The following SLC9A9 variants were observed in gnomAD, a reference collection of about 807,000 sequenced individuals.
SLC9A9 encodes the protein solute carrier family 9 member A9.
In SLC9A9, 62 loss-of-function variants were observed where a neutral mutation model predicts 77.8. That is an observed-to-expected ratio of 0.80 (90% CI 0.65 to 0.98). SLC9A9 has a LOEUF of 0.98. Ranked by LOEUF, SLC9A9 falls within the 50% of genes least tolerant of loss-of-function variation. SLC9A9 has a pLI of 0.00. For missense variants in SLC9A9, 775 were observed against 774.9 expected (o/e 1.00, Z 0.00); for synonymous variants, 320 against 283.5 (o/e 1.13, Z -1.29).
At chr3:143,714,739 C>G (rs1190778083) in intron 4 of SLC9A9, among the ~76,000 whole-genome samples, 1 of 152,178 alleles carries the variant, frequency 6.6e-6, no homozygotes, top group Non-Finnish European at 1.5e-5. Flanking sequence ...AGTGGATGAA[C>G]TTGCTCTCTG....
At chr3:143,749,032 C>CT (rs923204574) in intron 4 of SLC9A9, among the ~76,000 whole-genome samples, 25 of 151,374 alleles carry the variant, frequency 1.7e-4, no homozygotes, top group African/African-American at 5.8e-4. Flanking sequence ...AACTTCAAGT[C>CT]TTTTTTTTTC....
intron 12 of SLC9A9, among the ~76,000 whole-genome samples, chr3:143,396,340 G>A (rs1005812216): frequency 3.2e-5 from 4 of 126,884 alleles, no homozygotes; most frequent in African/African-American, 5.6e-5. Context: ...GCAAACTATC[G>A]CAAGGATAAA....
At chr3:143,296,928 C>A (rs78342781) in intron 14 of SLC9A9, among the ~76,000 whole-genome samples, 364 of 152,192 alleles carry the variant, frequency 2.4e-3, no homozygotes, top group African/African-American at 8.4e-3. Context: ...TATATTTGCC[C>A]TTTATCAGAT....
intron 11 of SLC9A9, among the ~76,000 whole-genome samples, chr3:143,479,234 C>G (rs1313737663): frequency 6.6e-6 from 1 of 152,054 alleles, no homozygotes; most frequent in Non-Finnish European, 1.5e-5. Context: ...TATTTTGAGT[C>G]GCAACATTTT....
At chr3:143,487,380 G>T (rs1370950650) in intron 11 of SLC9A9, among the ~76,000 whole-genome samples, 1 of 151,756 alleles carries the variant, frequency 6.6e-6, no homozygotes, top group South Asian at 2.1e-4. Flanking sequence ...CAGATAGAAT[G>T]TAAGTAAGGG....
chr3:143,822,763 T>C (rs2009199497), intron 2 of SLC9A9, among the ~76,000 whole-genome samples: 1 of 152,236 alleles, frequency 6.6e-6, no homozygotes, highest in Admixed American at 6.5e-5. Flanking sequence ...AGATCCATTG[T>C]AAATATTATT....
At chr3:143,540,746 T>TAG (rs1289668247) in intron 9 of SLC9A9, among the ~76,000 whole-genome samples, 1 of 152,194 alleles carries the variant, frequency 6.6e-6, no homozygotes, top group Non-Finnish European at 1.5e-5. Context: ...GGCCTTAACT[T>TAG]CTCTAAGACT....
At chr3:143,670,062 T>A (rs1291228426) in intron 5 of SLC9A9, among the ~76,000 whole-genome samples, 1 of 152,172 alleles carries the variant, frequency 6.6e-6, no homozygotes, top group Non-Finnish European at 1.5e-5. Flanking sequence ...TAAAAACTCT[T>A]CTCTATCTCT....
intron 11 of SLC9A9, among the ~76,000 whole-genome samples, chr3:143,484,154 G>A (rs1405761043): frequency 1.3e-5 from 2 of 151,934 alleles, no homozygotes; most frequent in Non-Finnish European, 2.9e-5. Context: ...TGTGTCAGAG[G>A]GCTACTAAAG....
intron 8 of SLC9A9, among the ~76,000 whole-genome samples, chr3:143,571,861 C>T (rs2037262904): frequency 6.6e-6 from 1 of 152,154 alleles, no homozygotes; most frequent in African/African-American, 2.4e-5. Context: ...TGGAAATAGG[C>T]AAGGATTAAA....
At chr3:143,664,234 T>C (rs562561322) in intron 5 of SLC9A9, among the ~76,000 whole-genome samples, 60 of 152,234 alleles carry the variant, frequency 3.9e-4, no homozygotes, top group Non-Finnish European at 2.8e-4. Context: ...CACACCAAGC[T>C]TCATAAGTGA....
chr3:143,751,188 A>G (rs1203421352), intron 4 of SLC9A9, among the ~76,000 whole-genome samples: 1 of 152,208 alleles, frequency 6.6e-6, no homozygotes, highest in Non-Finnish European at 1.5e-5. Context: ...CTGTCTAAAC[A>G]GGCTCATGCT....
At chr3:143,430,292 C>T (rs1035751126) in intron 12 of SLC9A9, among the ~76,000 whole-genome samples, 1 of 152,192 alleles carries the variant, frequency 6.6e-6, no homozygotes, top group African/African-American at 2.4e-5. Context: ...ACCCCATCCC[C>T]CAGCCTGTGT....
chr3:143,786,371 C>T (rs1005821582), intron 4 of SLC9A9, among the ~76,000 whole-genome samples: 47 of 152,022 alleles, frequency 3.1e-4, no homozygotes, highest in Non-Finnish European at 1.0e-4. Context: ...GTATTTGTTC[C>T]CCTTTTTTAT....
intron 12 of SLC9A9, among the ~76,000 whole-genome samples, chr3:143,404,338 T>A (rs981292224): frequency 6.6e-6 from 1 of 151,608 alleles, no homozygotes; most frequent in Non-Finnish European, 1.5e-5. Flanking sequence ...CACACCTAAT[T>A]TTTTTGTATT....
At chr3:143,325,273 G>GT (rs2031554267) in intron 14 of SLC9A9, among the ~76,000 whole-genome samples, 1 of 152,158 alleles carries the variant, frequency 6.6e-6, no homozygotes, top group Non-Finnish European at 1.5e-5. Flanking sequence ...GAAAATGCAT[G>GT]TAAAACACCC....
chr3:143,761,199 G>T (rs1413469285), intron 4 of SLC9A9, among the ~76,000 whole-genome samples: 1 of 152,116 alleles, frequency 6.6e-6, no homozygotes, highest in Non-Finnish European at 1.5e-5. Flanking sequence ...ATTCAAGATG[G>T]ATTAACGACT....
chr3:143,581,624 CA>C (rs1559978587), intron 6 of SLC9A9, among the ~76,000 whole-genome samples: 2 of 152,090 alleles, frequency 1.3e-5, no homozygotes, highest in African/African-American at 4.8e-5. Flanking sequence ...ACTAAGTTCA[CA>C]ATGTAGATTT....
intron 8 of SLC9A9, among the ~76,000 whole-genome samples, chr3:143,571,959 T>C (rs2037264488): frequency 6.6e-6 from 1 of 152,252 alleles, no homozygotes; most frequent in African/African-American, 2.4e-5. Context: ...ATTTGGTTTG[T>C]AGCAAATGTC....
Sources: gnomAD v4.1 joint callset for allele counts (sites outside exome capture counted in the v4.1 genomes callset) on GRCh38, gnomAD v4.1.1 for gene constraint, MANE v1.5 for transcripts, NCBI Gene and HGNC (gene_info 2026-07-23, HGNC 2026-07-21) for gene names.